The following STAG2 variants were observed in gnomAD, a reference collection of about 807,000 sequenced individuals.
STAG2 encodes STAG2 cohesin complex component.
STAG2 carries 14 observed loss-of-function variants against 108.1 expected under a neutral mutation model. The ratio of observed to expected loss-of-function variants is 0.13; its 90% CI spans 0.09 to 0.20. STAG2 has a LOEUF of 0.20. Among genes scored for constraint, STAG2 ranks in the 10% least tolerant of loss-of-function variants. The probability of loss-of-function intolerance (pLI) is 1.00; values close to 1 mark genes in which losing one functional copy is unlikely to be tolerated. For synonymous variants in STAG2, 307 were observed against 302.7 expected, an observed-to-expected ratio of 1.01 and a Z score of -0.15; for missense variants, 440 against 940.9, an observed-to-expected ratio of 0.47 and a Z score of 6.96.
At chrX:124,007,436 C>T (rs1432324783) in intron 1 of STAG2, among the ~76,000 whole-genome samples, 2 of 107,370 alleles carry the variant, frequency 1.9e-5, no homozygotes, top group South Asian at 4.3e-4. Flanking sequence ...ATTTGATGTA[C>T]ATGATTAGGT....
intron 10 of STAG2, 131 bp downstream of exon 10, chrX:124,049,209 A>G (rs2057966532): frequency 2.1e-6 from 1 of 480,109 alleles, no homozygotes; most frequent in South Asian, 3.4e-5. Flanking sequence ...AGACTCCATT[A>G]GTGCCACTGA....
intron 4 of STAG2, chrX:124,026,488 G>T (rs963306668): frequency 4.2e-5 from 7 of 168,038 alleles, no homozygotes; most frequent in Non-Finnish European, 7.8e-5. Flanking sequence ...AAATTATTTT[G>T]TTGTTTTGGA....
At chrX:124,036,709 C>T (rs1382365576) in intron 5 of STAG2, among the ~76,000 whole-genome samples, 4 of 110,700 alleles carry the variant, frequency 3.6e-5, no homozygotes, top group Non-Finnish European at 7.6e-5. Context: ...GTCGTTGCCT[C>T]TCTTGCCCCG....
chrX:124,028,490 G>T (rs920564813), intron 4 of STAG2, among the ~76,000 whole-genome samples: 15 of 110,803 alleles, frequency 1.4e-4, no homozygotes, highest in African/African-American at 4.6e-4. Flanking sequence ...AATATTTTTG[G>T]ACTGCAGCAG....
intron 5 of STAG2, among the ~76,000 whole-genome samples, chrX:124,033,531 G>T (rs1322053671): frequency 1.8e-5 from 2 of 111,825 alleles, no homozygotes; most frequent in African/African-American, 6.5e-5. Flanking sequence ...GGAGGCCAAG[G>T]TAGGTGGATC....
Position 124,102,110 on chromosome X carries a change from G to C in STAG2, c.*1513G>C, listed in dbSNP as rs1486904197. 1.9e-5 allele frequency: 3 copies of C among 158,345 alleles called. No individual in the cohort carries two copies. Among genetic ancestry groups the C allele is most frequent in the Non-Finnish European group, 3.7e-5 (3 of 81,431 alleles). The allele number at this position is 158,345 out of a possible 1,213,427, so 13.0% of individuals were successfully genotyped here. ...TGGGCTGTGGTAGCCAAAAACCATA[G>C]GTTAGCTAAAAAGATCATGATACAA... On this transcript the variant is annotated 3_prime_UTR_variant, in exon 35 of 35. Coordinates refer to ENST00000371145, the MANE Select transcript of STAG2 (RefSeq NM_001042750.2).
chrX:124,090,321 T>TCACTGCCCCCATTC, intron 30 of STAG2, among the ~76,000 whole-genome samples: 1 of 109,849 alleles, frequency 9.1e-6, no homozygotes, highest in African/African-American at 3.3e-5. Flanking sequence ...CTGACCCCTT[T>TCACTGCCCCCATTC]CACTGCCCCC....
chrX:124,065,362 C>T (rs1441420687), intron 20 of STAG2, among the ~76,000 whole-genome samples: 1 of 111,374 alleles, frequency 9.0e-6, no homozygotes, highest in Non-Finnish European at 1.9e-5. Context: ...TAAAATTTTT[C>T]GAAAGTTAAG....
chrX:123,997,641 G>T (rs1452629207), intron 1 of STAG2, among the ~76,000 whole-genome samples: 1 of 112,465 alleles, frequency 8.9e-6, no homozygotes, highest in Non-Finnish European at 1.9e-5. Context: ...TTGGTTGGTT[G>T]GTTTTTGTTT....
chrX:124,047,468 A>G lies in STAG2; in HGVS notation c.782A>G (p.Asn261Ser), dbSNP rs148395642. 1.2e-5 allele frequency: 15 copies of G among 1,207,899 alleles called. No individual in the cohort carries two copies. The highest frequency in any genetic ancestry group is 5.9e-5 in the East Asian group (2 of 33,714). The change falls in exon 9 of 35, where the codon AAT (asparagine) becomes AGT (serine). Residue 261 changes from asparagine to serine, a missense_variant. Asn to Ser is a conservative substitution (Grantham distance 46, BLOSUM62 1). Transcript: ENST00000371145. Reference protein sequence around the residue: ...ERNKMIGKRANERLELLLQKR... With the variant: ...ERNKMIGKRASERLELLLQKR... ...AATAAAATGATTGGAAAACGAGCCA[A>G]TGAGAGGCTAGAACTCCTGCTACAA... is the stretch of plus-strand genomic sequence containing the variant.
chrX:124,075,485 G>A (rs189665821), intron 25 of STAG2, among the ~76,000 whole-genome samples: 2 of 111,824 alleles, frequency 1.8e-5, no homozygotes, highest in African/African-American at 6.5e-5. Flanking sequence ...TGTTGGCCAA[G>A]CTGGTCTCAA....
intron 8 of STAG2, 147 bp downstream of exon 8, chrX:124,045,515 A>C: frequency 2.0e-6 from 1 of 492,245 alleles, no homozygotes; most frequent in Non-Finnish European, 3.3e-6. Flanking sequence ...CCCTCCTGCG[A>C]ATTCCTGGAA....
chrX:123,986,114 T>C (rs185304128), intron 1 of STAG2, among the ~76,000 whole-genome samples: 10 of 105,930 alleles, frequency 9.4e-5, no homozygotes, highest in Non-Finnish European at 1.7e-4. Context: ...TATATGCATG[T>C]ATCTATATAT....
At chrX:124,087,708 C>CAGAAT (rs2148472561) in intron 30 of STAG2, among the ~76,000 whole-genome samples, 1 of 112,495 alleles carries the variant, frequency 8.9e-6, no homozygotes, top group South Asian at 3.6e-4. Flanking sequence ...ATTCTATTGG[C>CAGAAT]CAAGCAATCA....
chrX:123,961,607 C>T (rs1275046235), upstream of STAG2: 3 of 108,717 alleles, frequency 2.8e-5, no homozygotes, highest in Non-Finnish European at 3.8e-5. Context: ...GGCCTCGGAC[C>T]GAGGGAGGCG....
At chrX:123,971,390 T>C (rs938392439) in intron 1 of STAG2, among the ~76,000 whole-genome samples, 2 of 112,247 alleles carry the variant, frequency 1.8e-5, no homozygotes, top group African/African-American at 6.5e-5. Flanking sequence ...ATTGCGTCAC[T>C]GCACTCCAGC....
intron 1 of STAG2, among the ~76,000 whole-genome samples, chrX:123,972,522 C>T (rs1453353428): frequency 3.7e-5 from 4 of 108,975 alleles, no homozygotes; most frequent in Non-Finnish European, 5.7e-5. Context: ...CCGCCCGCCT[C>T]GGCCTCCCAA....
chrX:123,971,097 A>G (rs981735547), intron 1 of STAG2, among the ~76,000 whole-genome samples: 5 of 111,961 alleles, frequency 4.5e-5, no homozygotes, highest in Non-Finnish European at 9.4e-5. Flanking sequence ...GGGAGACCAA[A>G]TAACTTGCCC....
chrX:124,011,588 A>G (rs2056524961), intron 1 of STAG2, among the ~76,000 whole-genome samples: 2 of 111,698 alleles, frequency 1.8e-5, no homozygotes, highest in Non-Finnish European at 3.8e-5. Context: ...ATCTGAAATT[A>G]GGTACTTTAT....
Sources: gnomAD v4.1 joint callset for allele counts (sites outside exome capture counted in the v4.1 genomes callset) on GRCh38, gnomAD v4.1.1 for gene constraint, MANE v1.5 for transcripts, NCBI Gene and HGNC (gene_info 2026-07-23, HGNC 2026-07-21) for gene names.